The following NABP1 variants were observed in gnomAD, a reference collection of about 807,000 sequenced individuals.
NABP1 encodes nucleic acid binding protein 1.
NABP1 carries 18 observed loss-of-function variants against 25.0 expected under a neutral mutation model. That is an observed-to-expected ratio of 0.72 (90% CI 0.50 to 1.07). The LOEUF is 1.07. Among genes scored for constraint, NABP1 ranks in the 50% least tolerant of loss-of-function variants. The pLI, the probability that NABP1 is intolerant of heterozygous loss-of-function variation, is 0.00. For missense variants in NABP1, 270 were observed against 255.6 expected, an observed-to-expected ratio of 1.06 and a Z score of -0.39; for synonymous variants, 71 against 85.0, an observed-to-expected ratio of 0.84 and a Z score of 0.91.
At position 191,683,595 on chromosome 2, in the gene NABP1, A is replaced by G. The variant is rs546158417; in HGVS notation, c.303-134A>G. 4.7e-6 allele frequency: 3 copies of G among 642,480 alleles called. No individual in the cohort carries two copies. The East Asian group carries it at 8.5e-5, about 18-fold the overall frequency. 39.8% of individuals were successfully genotyped at this position (642,480 alleles called of 1,614,324 possible). A position where few individuals can be genotyped will look rare whatever the true frequency, so the allele number is the denominator to read the frequency against. On this transcript the variant is annotated intron_variant, in intron 3 of 5. Coordinates refer to ENST00000425611, the MANE Select transcript of NABP1 (RefSeq NM_001031716.5). This position sits in a 1 kb window ranked among gnomAD's most constrained non-coding sequence, Gnocchi z 4.1. ...TAATCATTTGGGAAGTTTTTGTTGTAAATGAAGAGTTAGTTTGTTGCTATT... is the reference window on the plus strand; with the variant it reads ...TAATCATTTGGGAAGTTTTTGTTGTGAATGAAGAGTTAGTTTGTTGCTATT...
intron 2 of NABP1, among the ~76,000 whole-genome samples, chr2:191,680,055 CA>C (rs1390239582): frequency 1.3e-5 from 2 of 152,124 alleles, no homozygotes; most frequent in African/African-American, 2.4e-5. Context: ...AAGGCATCTA[CA>C]ATACCTTCAT....
chr2:191,679,938 T>C (rs1295999101), intron 2 of NABP1, among the ~76,000 whole-genome samples: 1 of 152,194 alleles, frequency 6.6e-6, no homozygotes, highest in Non-Finnish European at 1.5e-5. Context: ...AGAGGGAAAC[T>C]TTACAGTATC....
chr2:191,679,239 TGAG>T lies in NABP1; in HGVS notation c.230+115_230+117del, dbSNP rs1351168752. 1.3e-5 allele frequency: 17 copies of T among 1,322,186 alleles called. No individual in the cohort carries two copies. In the Middle Eastern group the frequency reaches 7.6e-4, roughly 59 times the overall value. 81.9% of individuals were successfully genotyped at this position (1,322,186 alleles called of 1,614,324 possible). A position where few individuals can be genotyped will look rare whatever the true frequency, so the allele number is the denominator to read the frequency against. The stretch of plus-strand genomic sequence containing the variant: ...CCCCGCCTTTTCTGTGGGCCACTCT[TGAG>T]GAGTTTTGAACTCCTTTGGTGTTAA... On this transcript the variant is annotated intron_variant, in intron 2 of 5. Transcript: ENST00000425611.
rs1295829918 is a variant in NABP1, at chr2:191,678,165, T to C, written c.-450T>C. On this transcript the variant is annotated 5_prime_UTR_variant, in exon 1 of 6. Coordinates refer to ENST00000425611, the MANE Select transcript of NABP1 (RefSeq NM_001031716.5). ...GCTGTTTGGGACGCTGGGTGTGCGG[T>C]GTTCTGTCTCCGCTCCCGTTTCGCT... 6.5e-6 allele frequency: 1 copy of C among 152,898 alleles called. No homozygotes were observed. Among genetic ancestry groups the C allele is most frequent in the Non-Finnish European group, 1.5e-5 (1 of 68,414 alleles). The allele number at this position is 152,898 out of a possible 1,614,324, so 9.5% of individuals were successfully genotyped here.
intron 5 of NABP1, 133 bp from the exon 6 acceptor site, chr2:191,685,466 T>G: frequency 1.2e-6 from 1 of 833,572 alleles, no homozygotes; most frequent in Non-Finnish European, 1.8e-6. Flanking sequence ...CCACATTGTT[T>G]TTTTTTTCTG....
intron 1 of NABP1, 83 bp downstream of exon 1, chr2:191,678,788 G>T: frequency 2.2e-6 from 3 of 1,367,952 alleles, no homozygotes; most frequent in South Asian, 2.6e-5. Flanking sequence ...GCGCGCCCGG[G>T]GCTCCCCTCC....
At chr2:191,678,878 G>A in intron 1 of NABP1, 112 bp from the exon 2 acceptor site, 2 of 1,511,208 alleles carry the variant, frequency 1.3e-6, no homozygotes, top group Non-Finnish European at 9.1e-7. Context: ...GGAGCCCTGG[G>A]CTTGGTCACT....
At position 191,685,891 on chromosome 2, in the gene NABP1, G is replaced by T; in HGVS notation, c.*123G>T. On this transcript the variant is annotated 3_prime_UTR_variant, in exon 6 of 6. Transcript: ENST00000425611. ...TATTGGGTTTCCTTTTATATTCTTGGTTTGTTAAGAAGAATGGTTTGTTTT... is the reference window on the plus strand; with the variant it reads ...TATTGGGTTTCCTTTTATATTCTTGTTTTGTTAAGAAGAATGGTTTGTTTT... 9 of 932,010 alleles carry T rather than the reference G, an allele frequency of 9.7e-6. No individual in the cohort carries two copies. In the Middle Eastern group the frequency reaches 1.1e-3, roughly 112 times the overall value. 57.7% of individuals were successfully genotyped at this position (932,010 alleles called of 1,614,324 possible). A position where few individuals can be genotyped will look rare whatever the true frequency, so the allele number is the denominator to read the frequency against.
At chr2:191,681,700 A>T (rs1687690450) in intron 2 of NABP1, among the ~76,000 whole-genome samples, 2 of 152,210 alleles carry the variant, frequency 1.3e-5, no homozygotes, top group African/African-American at 4.8e-5. Flanking sequence ...TTGCGAAAAG[A>T]CTTATTTTCC....
rs1350367252 is a variant in NABP1, at chr2:191,686,280, C to T, written c.*512C>T. On this transcript the variant is annotated 3_prime_UTR_variant, in exon 6 of 6. Transcript: ENST00000425611. ...TTCAGTGACTACTATTAAGATTTTCCAAGGACTGACTCATCCCAAATTTTT... is the reference window on the plus strand; with the variant it reads ...TTCAGTGACTACTATTAAGATTTTCTAAGGACTGACTCATCCCAAATTTTT... 6.6e-6 allele frequency: 1 copy of T among 152,200 alleles called. No individual in the cohort carries two copies. Among genetic ancestry groups the T allele is most frequent in the African/African-American group, 2.4e-5 (1 of 41,432 alleles). 9.4% of individuals were successfully genotyped at this position (152,200 alleles called of 1,614,324 possible). A position where few individuals can be genotyped will look rare whatever the true frequency, so the allele number is the denominator to read the frequency against.
Position 191,678,552 on chromosome 2 carries a change from G to A in NABP1, c.-63G>A, listed in dbSNP as rs1244021912. ...GCCTTCGCCCCTGTCCCGGGAGGGT[G>A]GGAAGCTTTGACCCCGCCCTGCCCA... On this transcript the variant is annotated 5_prime_UTR_variant, in exon 1 of 6. Coordinates refer to ENST00000425611, the MANE Select transcript of NABP1 (RefSeq NM_001031716.5). The A allele has an allele frequency of 1.0e-5, 13 of 1,239,280 alleles. No individual in the cohort carries two copies. Among genetic ancestry groups the A allele is most frequent in the Non-Finnish European group, 1.5e-5 (13 of 864,788 alleles). The allele number at this position is 1,239,280 out of a possible 1,614,324, so 76.8% of individuals were successfully genotyped here. A position where few individuals can be genotyped will look rare whatever the true frequency, so the allele number is the denominator to read the frequency against.
In NABP1 at chr2:191,678,939, G is replaced by T. The variant is rs996857336; in HGVS notation, c.92-51G>T. 7 of 1,613,094 alleles carry T rather than the reference G, an allele frequency of 4.3e-6. No homozygotes were observed. The Admixed American group carries it at 8.3e-5, about 19-fold the overall frequency. On this transcript the variant is annotated intron_variant, in intron 1 of 5. Transcript: ENST00000425611. Reference sequence around the variant, plus strand: ...ACCGGAGGAGGAGTTAGCCTTTCTGGATGTCCTCATTATCTAACAACCCCT... The same window carrying T: ...ACCGGAGGAGGAGTTAGCCTTTCTGTATGTCCTCATTATCTAACAACCCCT...
rs185904700 is a variant in NABP1, at chr2:191,682,680, C to G, written c.302+663C>G. ...CAATGAGCCAAATCATCAGTCCATTCTGTTTGGTTAATGCTCTGCCATCTA... is the reference window on the plus strand; with the variant it reads ...CAATGAGCCAAATCATCAGTCCATTGTGTTTGGTTAATGCTCTGCCATCTA... On this transcript the variant is annotated intron_variant, in intron 3 of 5. Coordinates refer to ENST00000425611, the MANE Select transcript of NABP1 (RefSeq NM_001031716.5). The G allele has an allele frequency of 2.0e-3, 770 of 387,778 alleles. 6 individuals are homozygous for G. The highest frequency in any genetic ancestry group is 7.4e-3 in the South Asian group (374 of 50,848). The allele number at this position is 387,778 out of a possible 1,614,324, so 24.0% of individuals were successfully genotyped here.
Position 191,684,315 on chromosome 2 carries a change from G to GT in NABP1, c.445+22dup, listed in dbSNP as rs770948219. The GT allele has an allele frequency of 4.7e-6, 7 of 1,488,856 alleles. No individual in the cohort carries two copies. In the African/African-American group the frequency reaches 1.0e-4, roughly 22 times the overall value. 92.2% of individuals were successfully genotyped at this position (1,488,856 alleles called of 1,614,324 possible). ...CCAGTGGGTAAGATTTTGTTTGTGT[G>GT]TTTCATTTGTGATCAGGTATAAGAA... On this transcript the variant is annotated intron_variant, in intron 5 of 5. Transcript: ENST00000425611.
In NABP1 at chr2:191,683,239, A is replaced by G. The variant is rs1687733063; in HGVS notation, c.303-490A>G. The G allele has an allele frequency of 5.9e-6, 1 of 170,820 alleles. No individual in the cohort carries two copies. Among genetic ancestry groups the G allele is most frequent in the Admixed American group, 5.8e-5 (1 of 17,224 alleles). The allele number at this position is 170,820 out of a possible 1,614,324, so 10.6% of individuals were successfully genotyped here. A position where few individuals can be genotyped will look rare whatever the true frequency, so the allele number is the denominator to read the frequency against. On this transcript the variant is annotated intron_variant, in intron 3 of 5. Coordinates refer to ENST00000425611, the MANE Select transcript of NABP1 (RefSeq NM_001031716.5). The surrounding 1 kb of genome is among the most constrained non-coding windows in gnomAD (Gnocchi z 4.1). ...ACTGGTGGCTATGTAGCCTGTTGTT[A>G]TTATTTATTGCCTAGAAACCACTCT... is the stretch of plus-strand genomic sequence containing the variant.
rs1687563939 is a variant in NABP1, at chr2:191,678,469, C to T, written c.-146C>T. On this transcript the variant is annotated 5_prime_UTR_variant, in exon 1 of 6. Transcript: ENST00000425611. ...TGCTGTCCGGGCTGGTTTGCCCGGT[C>T]CCTGACTAACGGCTTTCTGCCCCTT... is the stretch of plus-strand genomic sequence containing the variant. 9 of 436,642 alleles carry T rather than the reference C, an allele frequency of 2.1e-5. No individual in the cohort carries two copies. In the South Asian group the frequency reaches 2.1e-4, roughly 10 times the overall value. The allele number at this position is 436,642 out of a possible 1,614,324, so 27.0% of individuals were successfully genotyped here. A position where few individuals can be genotyped will look rare whatever the true frequency, so the allele number is the denominator to read the frequency against.
chr2:191,678,841 G>T lies in NABP1; in HGVS notation c.91+136G>T. On this transcript the variant is annotated intron_variant, in intron 1 of 5. Coordinates refer to ENST00000425611, the MANE Select transcript of NABP1 (RefSeq NM_001031716.5). ...CACCCACGTGGCTCTAGTGGCCTCCGCCCGAGATCGGATCCTACCTGAGGC... is the reference window on the plus strand; with the variant it reads ...CACCCACGTGGCTCTAGTGGCCTCCTCCCGAGATCGGATCCTACCTGAGGC... 6.9e-6 allele frequency: 5 copies of T among 721,724 alleles called. No individual in the cohort carries two copies. The South Asian group carries it at 7.7e-5, about 11-fold the overall frequency. The allele number at this position is 721,724 out of a possible 1,614,324, so 44.7% of individuals were successfully genotyped here.
Position 191,684,227 on chromosome 2 carries a change from T to A in NABP1, c.379-3T>A. On this transcript the variant is annotated splice_region_variant and splice_polypyrimidine_tract_variant and intron_variant, in intron 4 of 5. Transcript: ENST00000425611. ...TTTGGTTAAATTAAAAACTTTTTTTTAGGCACAGAGTGAACAGAAGAATAA... is the reference window on the plus strand; with the variant it reads ...TTTGGTTAAATTAAAAACTTTTTTTAAGGCACAGAGTGAACAGAAGAATAA... 3 of 1,545,664 alleles carry A rather than the reference T, an allele frequency of 1.9e-6. No homozygotes were observed. Among genetic ancestry groups the A allele is most frequent in the East Asian group, 2.4e-5 (1 of 40,872 alleles).
chr2:191,684,450 A>G (rs1330761069), intron 5 of NABP1, among the ~76,000 whole-genome samples, 154 bp downstream of exon 5: 4 of 152,206 alleles, frequency 2.6e-5, no homozygotes, highest in Non-Finnish European at 5.9e-5. Flanking sequence ...ATTTTCTAGA[A>G]AGTTGATAAA....
Sources: gnomAD v4.1 joint callset for allele counts (sites outside exome capture counted in the v4.1 genomes callset) on GRCh38, gnomAD v4.1.1 for gene constraint, Gnocchi (gnomAD v3.1) non-coding constraint, MANE v1.5 for transcripts, NCBI Gene and HGNC (gene_info 2026-07-23, HGNC 2026-07-21) for gene names.